Variants in MARCHF11 observed in about 807,000 individuals in gnomAD.
The protein encoded by MARCHF11 is membrane associated ring-CH-type finger 11.
A neutral mutation model predicts 37.3 loss-of-function variants in MARCHF11; 29 were observed. That is an observed-to-expected ratio of 0.78 (90% CI 0.58 to 1.06). The LOEUF (loss-of-function observed/expected upper bound fraction) is 1.06. MARCHF11 is among the 50% of genes least tolerant of loss of function. MARCHF11 has a pLI of 0.00. For missense variants in MARCHF11, 482 were observed against 533.4 expected (o/e 0.90, Z 0.95); for synonymous variants, 233 against 228.0 (o/e 1.02, Z -0.20).
chr5:16,088,556 T>C (rs957394100), intron 3 of MARCHF11, among the ~76,000 whole-genome samples: 1 of 152,204 alleles, frequency 6.6e-6, no homozygotes, highest in Non-Finnish European at 1.5e-5. Flanking sequence ...GTGAATTAAT[T>C]TGAAATATTA....
chr5:16,130,018 A>G (rs1044415361), intron 2 of MARCHF11, among the ~76,000 whole-genome samples: 1 of 152,154 alleles, frequency 6.6e-6, no homozygotes, highest in Non-Finnish European at 1.5e-5. Context: ...TCAAGATAAC[A>G]TTTTCAAGAA....
At chr5:16,156,538 GGTATGTTAAT>G (rs1315971556) in intron 2 of MARCHF11, among the ~76,000 whole-genome samples, 2 of 151,812 alleles carry the variant, frequency 1.3e-5, no homozygotes, top group Non-Finnish European at 1.5e-5. Flanking sequence ...ATGCAATTCA[GGTATGTTAAT>G]GTGAGCATGT....
chr5:16,147,773 T>C (rs1737823476), intron 2 of MARCHF11, among the ~76,000 whole-genome samples: 1 of 152,176 alleles, frequency 6.6e-6, no homozygotes, highest in Non-Finnish European at 1.5e-5. Context: ...GTAGCAATAC[T>C]AATACACTGC....
At chr5:16,090,330 C>G (rs974298056) in intron 3 of MARCHF11, among the ~76,000 whole-genome samples, 9 of 152,184 alleles carry the variant, frequency 5.9e-5, no homozygotes, top group African/African-American at 1.9e-4. Context: ...ATGTTCGATA[C>G]TTTTTCTCTT....
At chr5:16,128,853 T>G (rs1388072869) in intron 2 of MARCHF11, among the ~76,000 whole-genome samples, 1 of 152,236 alleles carries the variant, frequency 6.6e-6, no homozygotes, top group African/African-American at 2.4e-5. Flanking sequence ...AAGAAAAATG[T>G]GAGCAAGCTT....
chr5:16,091,458 A>G (rs1352237162), intron 2 of MARCHF11, among the ~76,000 whole-genome samples: 1 of 152,216 alleles, frequency 6.6e-6, no homozygotes, highest in Non-Finnish European at 1.5e-5. Flanking sequence ...CTGGTAATTT[A>G]GTTTGCTCTT....
intron 2 of MARCHF11, among the ~76,000 whole-genome samples, chr5:16,138,426 T>G (rs752202286): frequency 3.9e-5 from 6 of 152,152 alleles, no homozygotes; most frequent in Non-Finnish European, 7.3e-5. Flanking sequence ...TTTCAGCATA[T>G]GTATGGAAAT....
intron 2 of MARCHF11, among the ~76,000 whole-genome samples, chr5:16,092,500 ATAAT>A (rs747582861): frequency 1.2e-4 from 18 of 152,208 alleles, no homozygotes; most frequent in Non-Finnish European, 2.1e-4. Context: ...CGAATGAATA[ATAAT>A]TAAACTATTT....
At chr5:16,165,063 T>G (rs1015041303) in intron 2 of MARCHF11, among the ~76,000 whole-genome samples, 3 of 152,076 alleles carry the variant, frequency 2.0e-5, no homozygotes, top group African/African-American at 7.2e-5. Flanking sequence ...TTTTATTCCC[T>G]CAAACACTCA....
intron 2 of MARCHF11, among the ~76,000 whole-genome samples, chr5:16,116,069 A>G (rs1035890637): frequency 2.6e-5 from 4 of 152,204 alleles, no homozygotes; most frequent in African/African-American, 9.6e-5. Flanking sequence ...AGCCTTTGGA[A>G]CATGAATGTA....
rs114506329 is a variant in MARCHF11 at position 16,106,736 on chromosome 5, G to A, written c.694-15655C>T. Among the ~76,000 whole-genome samples, 437 of 152,234 alleles carry A rather than the reference G, an allele frequency of 2.9e-3. 1 individual carries two copies. The highest frequency in any genetic ancestry group is 9.7e-3 in the African/African-American group (404 of 41,542). On this transcript the variant is annotated intron_variant, in intron 2 of 3. Transcript: ENST00000332432. Reference sequence around the variant, plus strand: ...GAGAAGGTGCCATTGACATCTAGCGGGTAGAGGCTAGGGATGCTGATAAAC... The same window carrying A: ...GAGAAGGTGCCATTGACATCTAGCGAGTAGAGGCTAGGGATGCTGATAAAC...
At position 16,179,695 on chromosome 5, in the gene MARCHF11, CT is replaced by C. The variant is rs1738443229; in HGVS notation, c.-121del. 1 of 229,342 alleles carries C rather than the reference CT, an allele frequency of 4.4e-6. No individual in the cohort carries two copies. Among genetic ancestry groups the C allele is most frequent in the Non-Finnish European group, 6.4e-6 (1 of 157,108 alleles). 14.2% of individuals were successfully genotyped at this position (229,342 alleles called of 1,614,324 possible). ...AAAAGGAGGGAGGGGGCCCGGACGCCTGGGGCTAGGGGGCGGGACGGGGAGG... is the reference window on the plus strand; with the variant it reads ...AAAAGGAGGGAGGGGGCCCGGACGCCGGGGCTAGGGGGCGGGACGGGGAGG... On this transcript the variant is annotated 5_prime_UTR_variant, in exon 1 of 4. Coordinates refer to ENST00000332432, the MANE Select transcript of MARCHF11 (RefSeq NM_001102562.3).
Position 16,170,865 on chromosome 5 carries a change from T to C in MARCHF11, c.693+6861A>G, listed in dbSNP as rs78708579. On this transcript the variant is annotated intron_variant, in intron 2 of 3. Transcript: ENST00000332432. ...AATATTCCAAGGATATTTACTGCAC[T>C]GCAGACAGCCTGGGGTGGGGTAAGA... is the stretch of plus-strand genomic sequence containing the variant. 2.5e-3 allele frequency among the ~76,000 whole-genome samples: 387 copies of C among 152,282 alleles called. 16 individuals carry two copies. In the East Asian group the frequency reaches 0.063, roughly 25 times the overall value.
At chr5:16,077,711 T>C (rs1736544698) in intron 3 of MARCHF11, among the ~76,000 whole-genome samples, 1 of 152,230 alleles carries the variant, frequency 6.6e-6, no homozygotes, top group Non-Finnish European at 1.5e-5. Context: ...TTTCTTAATA[T>C]TCTATTCTAT....
chr5:16,106,691 AT>A (rs574445342), intron 2 of MARCHF11, among the ~76,000 whole-genome samples: 139 of 152,292 alleles, frequency 9.1e-4, no homozygotes, highest in African/African-American at 3.2e-3. Context: ...ATCTGAGGAT[AT>A]TTTTTGTTGT....
chr5:16,104,729 C>CT (rs879823901), intron 2 of MARCHF11, among the ~76,000 whole-genome samples: 3 of 148,294 alleles, frequency 2.0e-5, no homozygotes, highest in East Asian at 2.0e-4. Context: ...TTTTGTTTTT[C>CT]TTTTTTTGCT....
At chr5:16,100,148 G>T (rs911160302) in intron 2 of MARCHF11, among the ~76,000 whole-genome samples, 1 of 152,086 alleles carries the variant, frequency 6.6e-6, no homozygotes, top group Non-Finnish European at 1.5e-5. Context: ...TCCCAGAATT[G>T]CAAAGGAGGA....
At chr5:16,160,592 T>G (rs1163630250) in intron 2 of MARCHF11, among the ~76,000 whole-genome samples, 1 of 151,526 alleles carries the variant, frequency 6.6e-6, no homozygotes, top group Non-Finnish European at 1.5e-5. Context: ...ATCACATGCT[T>G]TATATTCTTA....
chr5:16,110,650 T>C (rs952927336), intron 2 of MARCHF11, among the ~76,000 whole-genome samples: 2 of 152,212 alleles, frequency 1.3e-5, no homozygotes, highest in African/African-American at 4.8e-5. Flanking sequence ...AAACACCTAA[T>C]GGCCAACATA....
Sources: allele counts gnomAD v4.1 joint callset (sites outside exome capture counted in the v4.1 genomes callset), GRCh38; gene constraint gnomAD v4.1.1; transcripts MANE v1.5; gene names NCBI Gene and HGNC (gene_info 2026-07-23, HGNC 2026-07-21).